TMC1: variants seen among roughly 807,000 people sequenced by gnomAD.
TMC1 encodes the protein transmembrane channel like 1, also known as transmembrane channel-like protein 1.
In TMC1, 84 loss-of-function variants were observed where a neutral mutation model predicts 105.8. The observed-to-expected ratio is 0.79, with a 90% confidence interval of 0.67 to 0.95. TMC1 has a LOEUF of 0.95. TMC1 is among the 40% of genes least tolerant of loss of function. TMC1 has a pLI of 0.00. For synonymous variants in TMC1, 315 were observed against 311.5 expected, an observed-to-expected ratio of 1.01 and a Z score of -0.12; for missense variants, 817 against 914.1, an observed-to-expected ratio of 0.89 and a Z score of 1.37.
chr9:72,697,490 G>A (rs2117854525), intron 7 of TMC1, among the ~76,000 whole-genome samples: 1 of 152,228 alleles, frequency 6.6e-6, no homozygotes, highest in East Asian at 1.9e-4. Context: ...GGGATAGTTA[G>A]AAAAGGGATT....
intron 9 of TMC1, among the ~76,000 whole-genome samples, chr9:72,740,521 G>GTTC (rs922814177): frequency 2.6e-5 from 4 of 152,080 alleles, no homozygotes; most frequent in African/African-American, 9.7e-5. Context: ...AAGTGAAGGG[G>GTTC]TTCTGGTCAA....
At chr9:72,571,120 C>T (rs1824276324) in intron 1 of TMC1, among the ~76,000 whole-genome samples, 1 of 150,154 alleles carries the variant, frequency 6.7e-6, no homozygotes, top group African/African-American at 2.4e-5. Context: ...GTCAGGAGTT[C>T]GAGACCAGCC....
At chr9:72,800,352 G>T (rs541898348) in intron 17 of TMC1, among the ~76,000 whole-genome samples, 46 of 152,268 alleles carry the variant, frequency 3.0e-4, no homozygotes, top group African/African-American at 9.6e-4. Context: ...GTTCTCTTCT[G>T]CACATCCTAG....
chr9:72,725,325 G>GTATGTA (rs1554723230), intron 8 of TMC1, among the ~76,000 whole-genome samples: 28 of 77,676 alleles, frequency 3.6e-4, no homozygotes, highest in Non-Finnish European at 7.0e-4. Flanking sequence ...ATGTGTGTAT[G>GTATGTA]TATATATATA....
At chr9:72,803,326 A>G (rs2118232249) in intron 17 of TMC1, among the ~76,000 whole-genome samples, 4 of 152,316 alleles carry the variant, frequency 2.6e-5, no homozygotes, top group Admixed American at 2.6e-4. Context: ...GCATGGGCAA[A>G]GATTTCAAGA....
At chr9:72,667,346 T>C (rs185733410) in intron 5 of TMC1, among the ~76,000 whole-genome samples, 256 of 152,334 alleles carry the variant, frequency 1.7e-3, no homozygotes, top group Middle Eastern at 3.4e-3. Context: ...CCTTAGATTC[T>C]GCAATGTAAG....
intron 4 of TMC1, 115 bp from the exon 5 acceptor site, chr9:72,648,482 G>A (rs1485358417): frequency 1.0e-5 from 7 of 696,736 alleles, no homozygotes; most frequent in South Asian, 1.6e-5. Flanking sequence ...GAGGAAATGA[G>A]TACCTTCTTA....
intron 13 of TMC1, among the ~76,000 whole-genome samples, chr9:72,775,715 G>C (rs1827995271): frequency 6.6e-6 from 1 of 152,294 alleles, no homozygotes; most frequent in East Asian, 1.9e-4. Context: ...GTAAAGAAAA[G>C]AGGTTTATTT....
intron 13 of TMC1, among the ~76,000 whole-genome samples, chr9:72,787,658 T>C (rs542542875): frequency 1.0e-3 from 156 of 151,254 alleles, no homozygotes; most frequent in Admixed American, 4.9e-3. Flanking sequence ...TATATATATA[T>C]ACACACATAT....
chr9:72,743,345 C>A (rs1416432142), intron 10 of TMC1, among the ~76,000 whole-genome samples: 1 of 141,998 alleles, frequency 7.0e-6, no homozygotes, highest in Non-Finnish European at 1.5e-5. Context: ...CCAGCCTGGG[C>A]GACAGAGCGA....
intron 8 of TMC1, among the ~76,000 whole-genome samples, chr9:72,721,257 A>G (rs1219196058): frequency 6.6e-6 from 1 of 152,218 alleles, no homozygotes; most frequent in Non-Finnish European, 1.5e-5. Flanking sequence ...CCTAAAGACA[A>G]GATGTAAATT....
In TMC1 at chr9:72,792,369, A is replaced by T. The variant is rs1434931526; in HGVS notation, c.1566+17A>T. 6.2e-7 allele frequency: 1 copy of T among 1,613,888 alleles called. No individual in the cohort carries two copies. Among genetic ancestry groups the T allele is most frequent in the Non-Finnish European group, 8.5e-7 (1 of 1,179,812 alleles). On this transcript the variant is annotated intron_variant, in intron 17 of 23. Transcript: ENST00000297784. ...GTGGGACAGGTAATGCCACCAACAGAAGTGTATGGCAATTAGTAGATTAAA... is the reference window on the plus strand; with the variant it reads ...GTGGGACAGGTAATGCCACCAACAGTAGTGTATGGCAATTAGTAGATTAAA...
At chr9:72,830,728 C>A in intron 23 of TMC1, 46 bp downstream of exon 23, 373 of 1,282,916 alleles carry the variant, frequency 2.9e-4, no homozygotes, top group Middle Eastern at 4.8e-4. Context: ...TTTTCTTTTT[C>A]TTTTTCTTTC....
intron 3 of TMC1, among the ~76,000 whole-genome samples, chr9:72,619,120 C>T (rs1469005373): frequency 1.3e-5 from 2 of 152,088 alleles, no homozygotes; most frequent in Non-Finnish European, 2.9e-5. Flanking sequence ...AGCAGATACA[C>T]TATGAAAGAC....
chr9:72,561,854 A>C (rs1322402670), intron 1 of TMC1, among the ~76,000 whole-genome samples: 3 of 152,166 alleles, frequency 2.0e-5, no homozygotes, highest in Admixed American at 2.0e-4. Context: ...TCTAGGCCCC[A>C]AACCGGAGCG....
chr9:72,628,327 C>T lies in TMC1; in HGVS notation c.-53+264C>T, dbSNP rs1825386095. The T allele has an allele frequency of 3.0e-5, 7 of 233,182 alleles. No individual in the cohort carries two copies. In the South Asian group the frequency reaches 3.4e-4, roughly 11 times the overall value. 14.4% of individuals were successfully genotyped at this position (233,182 alleles called of 1,614,324 possible). On this transcript the variant is annotated intron_variant, in intron 4 of 23. Transcript: ENST00000297784. ...TTGGCAGATACATTCTGAACAAATA[C>T]TTGTGTCATCCTCAACTGTATAGTT...
At chr9:72,743,115 C>T (rs1827419376) in intron 10 of TMC1, among the ~76,000 whole-genome samples, 1 of 152,018 alleles carries the variant, frequency 6.6e-6, no homozygotes, top group Admixed American at 6.5e-5. Flanking sequence ...CGCCTGTAAT[C>T]CCAGCACTTT....
intron 2 of TMC1, among the ~76,000 whole-genome samples, chr9:72,600,170 G>A (rs988232440): frequency 2.6e-5 from 4 of 152,170 alleles, no homozygotes; most frequent in Non-Finnish European, 4.4e-5. Context: ...AATCTCTATG[G>A]CAGCAATGTG....
chr9:72,663,906 T>G (rs752061670), intron 5 of TMC1, among the ~76,000 whole-genome samples: 3 of 152,222 alleles, frequency 2.0e-5, no homozygotes, highest in Non-Finnish European at 4.4e-5. Flanking sequence ...AACTTTTTAA[T>G]TTAAATGAAG....
Sources: allele counts gnomAD v4.1 joint callset (sites outside exome capture counted in the v4.1 genomes callset), GRCh38; gene constraint gnomAD v4.1.1; transcripts MANE v1.5; gene names NCBI Gene and HGNC (gene_info 2026-07-23, HGNC 2026-07-21).